Variants in AK5 observed in about 807,000 individuals in gnomAD.
AK5 encodes adenylate kinase 5.
In AK5, 27 loss-of-function variants were observed where a neutral mutation model predicts 69.5. That is an observed-to-expected ratio of 0.39 (90% CI 0.29 to 0.54). The LOEUF is 0.54. Ranked by LOEUF, AK5 falls within the 20% of genes least tolerant of loss-of-function variation. The pLI is 0.71. For synonymous variants in AK5, 260 were observed against 244.4 expected, an observed-to-expected ratio of 1.06 and a Z score of -0.60; for missense variants, 531 against 700.4, an observed-to-expected ratio of 0.76 and a Z score of 2.73.
At chr1:77,357,762 A>T (rs1234940927) in intron 6 of AK5, among the ~76,000 whole-genome samples, 1 of 152,220 alleles carries the variant, frequency 6.6e-6, no homozygotes, top group African/African-American at 2.4e-5. Context: ...TTTAATGAAG[A>T]CATTTTTCAG....
rs34141642 is a variant in AK5 at position 77,374,418 on chromosome 1, C to CTTTTTTTTTTTTT, written c.891+33856_891+33868dup. 1.4e-5 allele frequency among the ~76,000 whole-genome samples: 2 copies of CTTTTTTTTTTTTT among 138,800 alleles called. 1 individual carries two copies. Among genetic ancestry groups the CTTTTTTTTTTTTT allele is most frequent in the African/African-American group, 5.3e-5 (2 of 37,554 alleles). 91.1% of individuals were successfully genotyped at this position (138,800 alleles called of 152,430 possible). A position where few individuals can be genotyped will look rare whatever the true frequency, so the allele number is the denominator to read the frequency against. ...TCCTTTTATGCCAATTGAGGTAATG[C>CTTTTTTTTTTTTT]TTTTTTTTTTTTTTTTTTAAGAACC... On this transcript the variant is annotated intron_variant, in intron 6 of 13. Transcript: ENST00000354567.
intron 8 of AK5, among the ~76,000 whole-genome samples, chr1:77,482,020 T>C (rs1655284141): frequency 6.6e-6 from 1 of 152,220 alleles, no homozygotes; most frequent in Non-Finnish European, 1.5e-5. Flanking sequence ...CCAGGATACA[T>C]TGATCAGAGA....
chr1:77,295,393 A>G (rs968077465), intron 3 of AK5, among the ~76,000 whole-genome samples: 5 of 152,252 alleles, frequency 3.3e-5, no homozygotes, highest in Non-Finnish European at 1.5e-5. Context: ...GAAATTGTAA[A>G]TATATCTACC....
At chr1:77,314,959 T>G (rs1660168289) in intron 5 of AK5, 1 of 152,124 alleles carries the variant, frequency 6.6e-6, no homozygotes, top group African/African-American at 2.4e-5. Context: ...TCTAGGCTAT[T>G]GTACTTTGTC....
intron 10 of AK5, among the ~76,000 whole-genome samples, chr1:77,491,744 T>G (rs1427032456): frequency 6.6e-6 from 1 of 152,224 alleles, no homozygotes; most frequent in Non-Finnish European, 1.5e-5. Context: ...AGTCAACATT[T>G]ATTGAGCAGT....
intron 5 of AK5, among the ~76,000 whole-genome samples, chr1:77,303,195 G>A (rs1367100071): frequency 6.6e-6 from 1 of 152,114 alleles, no homozygotes; most frequent in Non-Finnish European, 1.5e-5. Flanking sequence ...AGAGATGCGG[G>A]GTTTTTTCCA....
chr1:77,558,416 A>ATTGT (rs1018591675), intron 13 of AK5, among the ~76,000 whole-genome samples, 186 bp from the exon 14 acceptor site: 4 of 138,386 alleles, frequency 2.9e-5, no homozygotes, highest in African/African-American at 1.0e-4. Flanking sequence ...GTGGTACTTC[A>ATTGT]TTGTTTTTTT....
intron 10 of AK5, among the ~76,000 whole-genome samples, chr1:77,488,965 A>T (rs979343096): frequency 6.6e-6 from 1 of 152,208 alleles, no homozygotes; most frequent in Non-Finnish European, 1.5e-5. Flanking sequence ...GTTTTTAATA[A>T]TGTGGTCCAA....
intron 8 of AK5, among the ~76,000 whole-genome samples, chr1:77,481,497 C>A (rs538310575): frequency 1.3e-5 from 2 of 152,326 alleles, no homozygotes; most frequent in South Asian, 2.1e-4. Flanking sequence ...AATGCACAGG[C>A]AACTCTAAGA....
Position 77,421,251 on chromosome 1 carries a change from A to G in AK5, c.1059+3536A>G, listed in dbSNP as rs893763685. ...TACCTCATTTTATCCTCAGACAACTATATTATTATTATCCCAATTTTCCTG... is the reference window on the plus strand; with the variant it reads ...TACCTCATTTTATCCTCAGACAACTGTATTATTATTATCCCAATTTTCCTG... On this transcript the variant is annotated intron_variant, in intron 8 of 13. Transcript: ENST00000354567. Among the ~76,000 whole-genome samples, 7 of 152,220 alleles carry G rather than the reference A, an allele frequency of 4.6e-5. No individual in the cohort carries two copies. The South Asian group carries it at 1.5e-3, about 32-fold the overall frequency.
intron 13 of AK5, among the ~76,000 whole-genome samples, chr1:77,539,884 C>T (rs1659177051): frequency 6.6e-6 from 1 of 152,162 alleles, no homozygotes; most frequent in Admixed American, 6.5e-5. Context: ...ACTTAAGGAG[C>T]TTTCTTAAAA....
At chr1:77,288,735 G>C (rs1658505991) in intron 2 of AK5, among the ~76,000 whole-genome samples, 1 of 152,168 alleles carries the variant, frequency 6.6e-6, no homozygotes, top group African/African-American at 2.4e-5. Flanking sequence ...ACTAATTTTA[G>C]AAACTTTCAA....
intron 8 of AK5, among the ~76,000 whole-genome samples, chr1:77,478,586 C>A (rs1655081258): frequency 6.6e-6 from 1 of 152,294 alleles, no homozygotes; most frequent in East Asian, 1.9e-4. Context: ...TGCCCAATCT[C>A]AGGTATGTCT....
At chr1:77,531,803 G>C (rs964971068) in intron 12 of AK5, among the ~76,000 whole-genome samples, 6 of 151,574 alleles carry the variant, frequency 4.0e-5, no homozygotes, top group Non-Finnish European at 7.4e-5. Flanking sequence ...CGTGGAGCAG[G>C]GGGCTGCGCT....
chr1:77,296,145 A>C (rs150639707), intron 3 of AK5, among the ~76,000 whole-genome samples: 3 of 152,256 alleles, frequency 2.0e-5, no homozygotes, highest in African/African-American at 7.2e-5. Context: ...TGAACCTTAC[A>C]AATTTGTATT....
chr1:77,310,674 C>T (rs754628728), intron 5 of AK5, among the ~76,000 whole-genome samples: 1 of 152,102 alleles, frequency 6.6e-6, no homozygotes, highest in African/African-American at 2.4e-5. Flanking sequence ...AGCCACCGCA[C>T]CCGGCCCTAT....
intron 10 of AK5, among the ~76,000 whole-genome samples, chr1:77,488,203 CTG>C (rs1268671236): frequency 6.6e-6 from 1 of 152,164 alleles, no homozygotes; most frequent in African/African-American, 2.4e-5. Context: ...CTGACCTTAA[CTG>C]TGGAAACTGG....
At chr1:77,429,179 T>C (rs533859334) in intron 8 of AK5, among the ~76,000 whole-genome samples, 2 of 152,214 alleles carry the variant, frequency 1.3e-5, no homozygotes, top group Non-Finnish European at 2.9e-5. Context: ...ATCGCCACAC[T>C]GACTTCCACA....
chr1:77,454,041 G>A (rs1334916973), intron 8 of AK5, among the ~76,000 whole-genome samples: 1 of 152,102 alleles, frequency 6.6e-6, no homozygotes, highest in African/African-American at 2.4e-5. Context: ...CTAGTCTTCA[G>A]CTCTGTAGGG....
Sources: gnomAD v4.1 joint callset for allele counts (sites outside exome capture counted in the v4.1 genomes callset) on GRCh38, gnomAD v4.1.1 for gene constraint, MANE v1.5 for transcripts, NCBI Gene and HGNC (gene_info 2026-07-23, HGNC 2026-07-21) for gene names.